The following LRCH1 variants were observed in gnomAD, a reference collection of about 807,000 sequenced individuals.
LRCH1 encodes the protein leucine-rich repeat and calponin homology domain-containing protein 1.
LRCH1 carries 23 observed loss-of-function variants against 94.9 expected under a neutral mutation model. That is an observed-to-expected ratio of 0.24 (90% CI 0.17 to 0.34). The LOEUF (loss-of-function observed/expected upper bound fraction) is 0.34. LRCH1 is among the 10% of genes least tolerant of loss of function. The pLI is 1.00. For missense variants in LRCH1, 790 were observed against 945.9 expected, an observed-to-expected ratio of 0.84 and a Z score of 2.16; for synonymous variants, 364 against 354.9, an observed-to-expected ratio of 1.03 and a Z score of -0.29.
intron 8 of LRCH1, 114 bp downstream of exon 8, chr13:46,692,755 A>G: frequency 1.4e-6 from 1 of 718,802 alleles, no homozygotes; most frequent in South Asian, 1.8e-5. Flanking sequence ...TGTCCTATGT[A>G]CCAGGTACTG....
intron 19 of LRCH1, among the ~76,000 whole-genome samples, chr13:46,739,339 G>A (rs1026649226): frequency 6.6e-6 from 1 of 152,180 alleles, no homozygotes; most frequent in Non-Finnish European, 1.5e-5. Context: ...TGCCTCTGGG[G>A]ACTCTTAGTG....
At chr13:46,571,370 G>A (rs139470661) in intron 1 of LRCH1, among the ~76,000 whole-genome samples, 3 of 152,194 alleles carry the variant, frequency 2.0e-5, no homozygotes, top group African/African-American at 7.2e-5. Context: ...AGTGGTATTC[G>A]CAGTGATGCA....
At chr13:46,662,543 A>G (rs1248555258) in intron 2 of LRCH1, among the ~76,000 whole-genome samples, 2 of 152,222 alleles carry the variant, frequency 1.3e-5, no homozygotes, top group Non-Finnish European at 2.9e-5. Flanking sequence ...AATTTAAAGC[A>G]GTGGTTTTTA....
intron 1 of LRCH1, among the ~76,000 whole-genome samples, chr13:46,649,012 C>CAGG (rs1328802780): frequency 6.6e-6 from 1 of 152,106 alleles, no homozygotes; most frequent in Non-Finnish European, 1.5e-5. Flanking sequence ...ATGTTCTTTG[C>CAGG]AGGGACATGG....
chr13:46,622,214 G>A (rs1167005304), intron 1 of LRCH1, among the ~76,000 whole-genome samples: 6 of 149,024 alleles, frequency 4.0e-5, no homozygotes, highest in Admixed American at 4.0e-4. Context: ...CCCCCAAGGC[G>A]AGGTATCCTG....
At chr13:46,618,210 A>G (rs910754725) in intron 1 of LRCH1, among the ~76,000 whole-genome samples, 1 of 152,174 alleles carries the variant, frequency 6.6e-6, no homozygotes, top group African/African-American at 2.4e-5. Context: ...CATACTGCAT[A>G]CTGTAGGCAA....
Position 46,553,331 on chromosome 13 carries a change from C to A in LRCH1, c.-66C>A. 2 of 1,363,780 alleles carry A rather than the reference C, an allele frequency of 1.5e-6. No homozygotes were observed. Among genetic ancestry groups the A allele is most frequent in the Non-Finnish European group, 2.0e-6 (2 of 1,010,418 alleles). 84.5% of individuals were successfully genotyped at this position (1,363,780 alleles called of 1,614,324 possible). ...CACTCAGCCCGAGCTGCCGTTTTCC[C>A]CTCGCGGGGAACGCTGTGACCCCCC... On this transcript the variant is annotated 5_prime_UTR_variant, in exon 1 of 20. Transcript: ENST00000389797.
At chr13:46,750,551 T>C in exon 19 of LRCH1, 1 of 1,550,326 alleles carries the variant, frequency 6.5e-7, no homozygotes, top group Non-Finnish European at 8.7e-7. Context: ...AAAAGCTATG[T>C]CTCCCCCACC....
At chr13:46,681,970 A>G in intron 4 of LRCH1, 124 bp downstream of exon 4, 3 of 111,288 alleles carry the variant, frequency 2.7e-5, no homozygotes, top group South Asian at 3.0e-4. Context: ...GTGTGTGCCT[A>G]CTACTTAATT....
chr13:46,570,120 C>G (rs1235002080), intron 1 of LRCH1, among the ~76,000 whole-genome samples: 1 of 152,090 alleles, frequency 6.6e-6, no homozygotes, highest in African/African-American at 2.4e-5. Context: ...CAGCTAACTC[C>G]CAGAGCAATC....
At chr13:46,650,443 A>G in intron 2 of LRCH1, 98 bp downstream of exon 2, 1 of 1,084,006 alleles carries the variant, frequency 9.2e-7, no homozygotes, top group Non-Finnish European at 1.3e-6. Flanking sequence ...GCAATTCTTG[A>G]TTTTTCTTTG....
Position 46,744,852 on chromosome 13 carries a change from T to A in LRCH1, c.*3004T>A. 1.0e-6 allele frequency: 1 copy of A among 984,118 alleles called. No homozygotes were observed. The highest frequency in any genetic ancestry group is 4.7e-5 in the South Asian group (1 of 21,270). 61.0% of individuals were successfully genotyped at this position (984,118 alleles called of 1,614,324 possible). A position where few individuals can be genotyped will look rare whatever the true frequency, so the allele number is the denominator to read the frequency against. ...GAGACTTGATTTTTAAAAATTAGGC[T>A]TCGTATTTCAAAATTAGTTCTCAAT... On this transcript the variant is annotated 3_prime_UTR_variant, in exon 20 of 20. Transcript: ENST00000389797.
At chr13:46,621,132 A>G (rs7983635) in intron 1 of LRCH1, among the ~76,000 whole-genome samples, 9,532 of 152,082 alleles carry the variant, frequency 0.063, 410 homozygotes, top group East Asian at 0.22. Context: ...TCTTTCTCTT[A>G]CTCTCTAACA....
intron 3 of LRCH1, among the ~76,000 whole-genome samples, chr13:46,677,255 CAA>C (rs67827727): frequency 0.07 from 6,848 of 98,128 alleles, 319 homozygotes; most frequent in African/African-American, 0.19. Flanking sequence ...ACTAAAAATA[CAA>C]AAAAAAAAAA....
chr13:46,633,092 C>CA (rs924094038), intron 1 of LRCH1, among the ~76,000 whole-genome samples: 2 of 152,276 alleles, frequency 1.3e-5, no homozygotes, highest in East Asian at 1.9e-4. Flanking sequence ...GCCACCATCA[C>CA]AAAAAATGTC....
chr13:46,750,607 A>C, exon 19 of LRCH1: 2 of 1,551,952 alleles, frequency 1.3e-6, no homozygotes, highest in Non-Finnish European at 8.7e-7. Context: ...ATTACCATTC[A>C]AGCATTACTA....
intron 1 of LRCH1, among the ~76,000 whole-genome samples, chr13:46,578,315 G>C (rs565154064): frequency 2.0e-5 from 3 of 152,216 alleles, no homozygotes; most frequent in Non-Finnish European, 2.9e-5. Flanking sequence ...TTCCCATGCA[G>C]ACAATGGCCC....
At chr13:46,616,376 T>C (rs770822398) in intron 1 of LRCH1, among the ~76,000 whole-genome samples, 4 of 152,210 alleles carry the variant, frequency 2.6e-5, no homozygotes, top group Non-Finnish European at 4.4e-5. Flanking sequence ...AGAACCTTTG[T>C]CTGACAGATG....
chr13:46,619,607 A>C (rs1481843024), intron 1 of LRCH1, among the ~76,000 whole-genome samples: 1 of 152,182 alleles, frequency 6.6e-6, no homozygotes, highest in African/African-American at 2.4e-5. Context: ...TGATTAGAGA[A>C]ATCATTGTCA....
Sources: gnomAD v4.1 joint callset for allele counts (sites outside exome capture counted in the v4.1 genomes callset) on GRCh38, gnomAD v4.1.1 for gene constraint, MANE v1.5 for transcripts, NCBI Gene and HGNC (gene_info 2026-07-23, HGNC 2026-07-21) for gene names.